AOX1: variants seen among roughly 807,000 people sequenced by gnomAD.
AOX1 encodes the protein aldehyde oxidase.
Under a neutral mutation model 169.5 loss-of-function variants are expected in AOX1, and 153 were observed. The observed-to-expected ratio is 0.90, with a 90% CI of 0.79 to 1.03. The LOEUF (loss-of-function observed/expected upper bound fraction) is 1.03. Ranked by LOEUF, AOX1 falls within the 50% of genes least tolerant of loss-of-function variation. The pLI, the probability that AOX1 is intolerant of heterozygous loss-of-function variation, is 0.00. For synonymous variants in AOX1, 562 were observed against 581.9 expected (o/e 0.97, Z 0.49); for missense variants, 1,656 against 1,663.9 (o/e 1.00, Z 0.08).
At chr2:200,649,796 G>A (rs975611239) in intron 25 of AOX1, among the ~76,000 whole-genome samples, 2 of 152,176 alleles carry the variant, frequency 1.3e-5, no homozygotes. Flanking sequence ...TGATGCTGGT[G>A]CAAGGAGGAA....
At position 200,659,280 on chromosome 2, in the gene AOX1, G is replaced by A. The variant is rs1301044895; in HGVS notation, c.3287G>A (p.Gly1096Asp). The change falls in exon 28 of 35, where the codon GGT becomes GAT. Residue 1096 changes from glycine (G) to aspartate (D), a missense_variant. By Grantham distance (94) the Gly-to-Asp change is moderately conservative (BLOSUM62 -1). Transcript: ENST00000374700. ...GGTTCTGTGGTGGCAGATCTCAACGGTTTGGCAGTAAAGGTAACAGTCACT... is the reference window on the plus strand; with the variant it reads ...GGTTCTGTGGTGGCAGATCTCAACGATTTGGCAGTAAAGGTAACAGTCACT... ...SGGSVVADLNGLAVKDACQTL... is the reference protein window; with the variant it reads ...SGGSVVADLNDLAVKDACQTL... The A allele has an allele frequency of 6.2e-7, 1 of 1,612,840 alleles. No individual in the cohort carries two copies. Among genetic ancestry groups the A allele is most frequent in the Non-Finnish European group, 8.5e-7 (1 of 1,179,394 alleles).
intron 9 of AOX1, 100 bp from the exon 10 acceptor site, chr2:200,605,436 G>C: frequency 2.2e-6 from 1 of 462,924 alleles, no homozygotes; most frequent in Non-Finnish European, 3.7e-6. Flanking sequence ...AATATTTTTA[G>C]ATATTTAAAG....
chr2:200,626,130 A>G (rs2034999480), intron 19 of AOX1, among the ~76,000 whole-genome samples: 1 of 152,226 alleles, frequency 6.6e-6, no homozygotes, highest in African/African-American at 2.4e-5. Flanking sequence ...TGCTCACCAC[A>G]ATCCTATGAG....
chr2:200,641,334 C>A, intron 24 of AOX1, 150 bp downstream of exon 24: 1 of 570,974 alleles, frequency 1.8e-6, no homozygotes, highest in Non-Finnish European at 3.1e-6. Context: ...CTTCCTGGTG[C>A]CCAAAGTGTG....
chr2:200,636,660 C>A (rs540241116), intron 21 of AOX1, among the ~76,000 whole-genome samples: 39 of 152,208 alleles, frequency 2.6e-4, no homozygotes, highest in African/African-American at 5.5e-4. Flanking sequence ...GTCATTATAG[C>A]CAAGTATTGC....
At chr2:200,657,190 A>ATATATATATATATATATATTT in intron 27 of AOX1, among the ~76,000 whole-genome samples, 17 of 62,872 alleles carry the variant, frequency 2.7e-4, no homozygotes, top group Non-Finnish European at 3.6e-4. Flanking sequence ...ATATATATAT[A>ATATATATATATATATATATTT]TTTTTTTTTT....
At chr2:200,653,631 G>C (rs1326923112) in intron 26 of AOX1, among the ~76,000 whole-genome samples, 1 of 152,236 alleles carries the variant, frequency 6.6e-6, no homozygotes, top group Non-Finnish European at 1.5e-5. Context: ...GGCAGTCCCT[G>C]CCCAGCAGCT....
At chr2:200,676,599 CA>C (rs58206033) in intron 4 of AOX1, among the ~76,000 whole-genome samples, 37,675 of 97,768 alleles carry the variant, frequency 0.39, 4,738 homozygotes, top group East Asian at 0.58. Flanking sequence ...GACTACATCT[CA>C]AAAAAAAAAA....
chr2:200,626,221 A>G (rs183933877), intron 19 of AOX1, among the ~76,000 whole-genome samples: 7 of 152,266 alleles, frequency 4.6e-5, no homozygotes, highest in African/African-American at 1.4e-4. Context: ...GTCAGTAACA[A>G]AAACAATCAA....
chr2:200,666,784 T>C (rs1351520414), intron 32 of AOX1, 32 bp downstream of exon 32: 4 of 1,568,418 alleles, frequency 2.6e-6, no homozygotes, highest in Non-Finnish European at 3.5e-6. Flanking sequence ...CACTTTCTAT[T>C]TGTAAAAGCC....
downstream of AOX1, chr2:200,678,383 T>G (rs1335035863): frequency 6.6e-6 from 1 of 152,256 alleles, no homozygotes; most frequent in Non-Finnish European, 1.5e-5. Context: ...TTTATTATTT[T>G]CTTCAAGCCA....
At chr2:200,595,461 C>T in intron 3 of AOX1, 93 bp downstream of exon 3, 1 of 836,000 alleles carries the variant, frequency 1.2e-6, no homozygotes, top group Admixed American at 2.6e-5. Context: ...TGAGTACCTA[C>T]CATGTGAAAA....
At chr2:200,637,834 C>G (rs1230746580) in intron 22 of AOX1, among the ~76,000 whole-genome samples, 1 of 152,120 alleles carries the variant, frequency 6.6e-6, no homozygotes, top group Non-Finnish European at 1.5e-5. Flanking sequence ...TACCTTGATT[C>G]CAGATCTCTC....
intron 1 of AOX1, 92 bp downstream of exon 1, chr2:200,586,245 C>A: frequency 7.3e-7 from 1 of 1,366,370 alleles, no homozygotes; most frequent in South Asian, 1.4e-5. Flanking sequence ...CTTTCGTGCC[C>A]GCCGTTTAAG....
At chr2:200,610,288 T>A (rs2105707522) in intron 12 of AOX1, among the ~76,000 whole-genome samples, 1 of 152,260 alleles carries the variant, frequency 6.6e-6, no homozygotes, top group Middle Eastern at 3.4e-3. Flanking sequence ...GCCAGGCTGG[T>A]CTCGAACTCC....
chr2:200,610,244 G>C (rs963601917), intron 12 of AOX1, among the ~76,000 whole-genome samples: 1 of 151,930 alleles, frequency 6.6e-6, no homozygotes, highest in Non-Finnish European at 1.5e-5. Flanking sequence ...GCTAATTTTT[G>C]TATTTTTAAT....
At chr2:200,665,176 G>A (rs2035902877) in intron 31 of AOX1, among the ~76,000 whole-genome samples, 1 of 152,214 alleles carries the variant, frequency 6.6e-6, no homozygotes, top group Admixed American at 6.5e-5. Context: ...GAGAGCATGT[G>A]CAAGCGAGAG....
chr2:200,598,138 G>A (rs1478389477), intron 4 of AOX1, among the ~76,000 whole-genome samples: 1 of 151,640 alleles, frequency 6.6e-6, no homozygotes, highest in African/African-American at 2.4e-5. Flanking sequence ...AGGGAGAGAG[G>A]AGGGAGGAAG....
At chr2:200,628,242 A>G (rs1025898677) in intron 20 of AOX1, among the ~76,000 whole-genome samples, 22 of 152,194 alleles carry the variant, frequency 1.4e-4, no homozygotes, top group African/African-American at 5.1e-4. Flanking sequence ...AACATGATGT[A>G]TGTCTCTTTA....
Sources: gnomAD v4.1 joint callset for allele counts (sites outside exome capture counted in the v4.1 genomes callset) on GRCh38, gnomAD v4.1.1 for gene constraint, MANE v1.5 for transcripts, NCBI Gene and HGNC (gene_info 2026-07-23, HGNC 2026-07-21) for gene names.